The following GPI variants were observed in gnomAD, a reference collection of about 807,000 sequenced individuals.
GPI encodes glucose-6-phosphate isomerase, also known as D-hexose-6-phosphate anomerase.
A neutral mutation model predicts 75.8 loss-of-function variants in GPI; 56 were observed. The observed-to-expected ratio is 0.74, with a 90% CI of 0.60 to 0.92. The LOEUF (loss-of-function observed/expected upper bound fraction) is 0.92, where lower values mean the gene tolerates loss of function less well. Among genes scored for constraint, GPI ranks in the 40% least tolerant of loss-of-function variants. The pLI, the probability that GPI is intolerant of heterozygous loss-of-function variation, is 0.00. For synonymous variants in GPI, 288 were observed against 285.4 expected (o/e 1.01, Z -0.09); for missense variants, 638 against 741.0 (o/e 0.86, Z 1.61).
chr19:34,365,663 C>G, intron 1 of GPI: 1 of 616,202 alleles, frequency 1.6e-6, no homozygotes, highest in South Asian at 1.5e-5. Flanking sequence ...CCCTCCTCCT[C>G]CCCGTGCAGC....
chr19:34,393,385 C>A lies in GPI; in HGVS notation c.865+77C>A. On this transcript the variant is annotated intron_variant, in intron 10 of 17. Transcript: ENST00000356487. The surrounding 1 kb of genome is among the most constrained non-coding windows in gnomAD (Gnocchi z 4.4). ...TAAGGTCGGGGTAGGGGGCTTGTGT[C>A]CCTGAACATCATGCTGTCCTCACAG... is the stretch of plus-strand genomic sequence containing the variant. The A allele has an allele frequency of 9.3e-7, 1 of 1,080,086 alleles. No individual in the cohort carries two copies. Among genetic ancestry groups the A allele is most frequent in the South Asian group, 1.2e-5 (1 of 80,462 alleles). 66.9% of individuals were successfully genotyped at this position (1,080,086 alleles called of 1,614,324 possible). A position where few individuals can be genotyped will look rare whatever the true frequency, so the allele number is the denominator to read the frequency against.
chr19:34,361,088 T>G (rs186698870), upstream of GPI, among the ~76,000 whole-genome samples: 98 of 151,902 alleles, frequency 6.5e-4, 1 homozygote, highest in African/African-American at 2.3e-3. Flanking sequence ...TTGTTTCACA[T>G]TTCTTTCTTT....
At chr19:34,366,254 G>T (rs1219247428) in intron 1 of GPI, 91 bp from the exon 2 acceptor site, 2 of 864,828 alleles carry the variant, frequency 2.3e-6, no homozygotes, top group Admixed American at 3.4e-5. Context: ...GGTCAGGGAG[G>T]ATGTTTCTTC....
rs149929475 is a variant in GPI at position 34,367,918 on chromosome 19, G to GTTTA, written c.283-649_283-646dup. 2.7e-3 allele frequency among the ~76,000 whole-genome samples: 410 copies of GTTTA among 152,256 alleles called. 2 individuals are homozygous for GTTTA. Among genetic ancestry groups the GTTTA allele is most frequent in the Admixed American group, 5.0e-3 (76 of 15,292 alleles). The stretch of plus-strand genomic sequence containing the variant: ...TCATGAGCACTCATCTTCGGAAAGC[G>GTTTA]TTTATTTATTTATTTATTTTGAGAT... On this transcript the variant is annotated intron_variant, in intron 3 of 17. Coordinates refer to ENST00000356487, the MANE Select transcript of GPI (RefSeq NM_000175.5).
At chr19:34,361,030 G>A (rs1477552340), upstream of GPI, among the ~76,000 whole-genome samples, 9 of 151,984 alleles carry the variant, frequency 5.9e-5, no homozygotes, top group East Asian at 1.9e-4. Flanking sequence ...CACCTGCCTC[G>A]GCCTCCCAAA....
At chr19:34,368,063 G>A (rs1268249438) in intron 3 of GPI, among the ~76,000 whole-genome samples, 1 of 152,166 alleles carries the variant, frequency 6.6e-6, no homozygotes, top group Non-Finnish European at 1.5e-5. Flanking sequence ...GGAACTACAG[G>A]TGTGTGCCAC....
At chr19:34,381,057 G>T (rs1283636881) in intron 8 of GPI, 1 of 334,272 alleles carries the variant, frequency 3.0e-6, no homozygotes, top group Non-Finnish European at 5.8e-6. Context: ...TGTTTGCCTG[G>T]CCTGGTAGGT....
intron 6 of GPI, 101 bp downstream of exon 6, chr19:34,377,982 G>T (rs1481908396): frequency 8.3e-7 from 1 of 1,211,862 alleles, no homozygotes; most frequent in Middle Eastern, 2.4e-4. Context: ...CCTTTTGGTG[G>T]GTTCCGAGTG....
Position 34,400,323 on chromosome 19 carries a change from G to C in GPI, c.*287G>C, listed in dbSNP as rs1026558764. On this transcript the variant is annotated 3_prime_UTR_variant, in exon 18 of 18. Coordinates refer to ENST00000356487, the MANE Select transcript of GPI (RefSeq NM_000175.5). ...CCATGTAGAAAAATAAAGATGCCAC[G>C]GAGGAGGTTGTAGGCTCAGCCTCTG... is the stretch of plus-strand genomic sequence containing the variant. 1.7e-6 allele frequency: 1 copy of C among 596,394 alleles called. No homozygotes were observed. Among genetic ancestry groups the C allele is most frequent in the African/African-American group, 1.9e-5 (1 of 53,950 alleles). The allele number at this position is 596,394 out of a possible 1,614,324, so 36.9% of individuals were successfully genotyped here. A position where few individuals can be genotyped will look rare whatever the true frequency, so the allele number is the denominator to read the frequency against.
chr19:34,395,725 C>G (rs924103427), intron 12 of GPI, among the ~76,000 whole-genome samples: 54 of 152,242 alleles, frequency 3.5e-4, no homozygotes, highest in Admixed American at 3.2e-3. Context: ...GCTGTGTCCT[C>G]ACTGGTGTGG....
At chr19:34,363,876 C>T (rs2074318112), upstream of GPI, among the ~76,000 whole-genome samples, 1 of 152,148 alleles carries the variant, frequency 6.6e-6, no homozygotes, top group Non-Finnish European at 1.5e-5. Context: ...TCAGCACTAC[C>T]AGGGTTGTGC....
chr19:34,393,840 T>C lies in GPI; in HGVS notation c.909+69T>C. Reference sequence around the variant, plus strand: ...GCGTGTGTTGGTCCTGGTCCCCCGCTTTCTCCCCCACTGTCCTGTCCCTCC... The same window carrying C: ...GCGTGTGTTGGTCCTGGTCCCCCGCCTTCTCCCCCACTGTCCTGTCCCTCC... On this transcript the variant is annotated intron_variant, in intron 11 of 17. Coordinates refer to ENST00000356487, the MANE Select transcript of GPI (RefSeq NM_000175.5). This position sits in a 1 kb window ranked among gnomAD's most constrained non-coding sequence, Gnocchi z 4.4. 1 of 1,604,346 alleles carries C rather than the reference T, an allele frequency of 6.2e-7. No individual in the cohort carries two copies. The highest frequency in any genetic ancestry group is 2.2e-5 in the East Asian group (1 of 44,798).
At chr19:34,377,909 CT>C (rs1568334076) in intron 6 of GPI, 28 bp downstream of exon 6, 3 of 1,613,390 alleles carry the variant, frequency 1.9e-6, no homozygotes, top group African/African-American at 2.7e-5. Context: ...TGCCCGGCCC[CT>C]GGCCCTGTGT....
chr19:34,391,783 G>A (rs560883245), intron 9 of GPI, among the ~76,000 whole-genome samples: 9 of 1,072 alleles, frequency 8.4e-3, no homozygotes, highest in African/African-American at 0.014. Flanking sequence ...GGATCTTCTA[G>A]TGTCTGAGGA....
chr19:34,400,082 T>C lies in GPI; in HGVS notation c.*46T>C. 6.3e-7 allele frequency: 1 copy of C among 1,592,466 alleles called. No homozygotes were observed. Among genetic ancestry groups the C allele is most frequent in the Non-Finnish European group, 8.5e-7 (1 of 1,171,400 alleles). ...TCCTCTGTGACTCCCCTTTCTCTTC[T>C]CGTCCCTCCTCCCCGGAGCCGGCAC... is the stretch of plus-strand genomic sequence containing the variant. On this transcript the variant is annotated 3_prime_UTR_variant, in exon 18 of 18. Transcript: ENST00000356487.
At chr19:34,392,473 G>T (rs1327406258) in intron 9 of GPI, 1 of 4,236 alleles carries the variant, frequency 2.4e-4, no homozygotes, top group Non-Finnish European at 3.8e-4. Flanking sequence ...GAGGATCTGG[G>T]TTTGTCAGTA....
chr19:34,397,047 G>T (rs139519557), intron 14 of GPI, among the ~76,000 whole-genome samples: 1 of 152,206 alleles, frequency 6.6e-6, no homozygotes, highest in Non-Finnish European at 1.5e-5. Flanking sequence ...ATGACCTCAA[G>T]TAATCTACCT....
chr19:34,386,752 T>C (rs2074740954), intron 9 of GPI, among the ~76,000 whole-genome samples: 1 of 152,168 alleles, frequency 6.6e-6, no homozygotes, highest in Non-Finnish European at 1.5e-5. Flanking sequence ...ACTTTGTAGC[T>C]AGAGAGACAT....
chr19:34,392,043 G>A (rs1599848757), intron 9 of GPI, among the ~76,000 whole-genome samples: 3 of 114,182 alleles, frequency 2.6e-5, no homozygotes, highest in Middle Eastern at 4.0e-3. Context: ...GTCTGAGAAG[G>A]TAGGATCTGG....
Sources: gnomAD v4.1 joint callset for allele counts (sites outside exome capture counted in the v4.1 genomes callset) on GRCh38, gnomAD v4.1.1 for gene constraint, Gnocchi (gnomAD v3.1) non-coding constraint, MANE v1.5 for transcripts, NCBI Gene and HGNC (gene_info 2026-07-23, HGNC 2026-07-21) for gene names.